The following ROBO1 variants were observed in gnomAD, a reference collection of about 807,000 sequenced individuals.
The protein encoded by ROBO1 is roundabout homolog 1.
In ROBO1, 149 loss-of-function variants were observed where a neutral mutation model predicts 195.9. The observed-to-expected ratio is 0.76, with a 90% CI of 0.67 to 0.87. The LOEUF (loss-of-function observed/expected upper bound fraction) is 0.87, where lower values mean the gene tolerates loss of function less well. Among genes scored for constraint, ROBO1 ranks in the 40% least tolerant of loss-of-function variants. ROBO1 has a pLI of 0.00. For synonymous variants in ROBO1, 816 were observed against 733.2 expected, an observed-to-expected ratio of 1.11 and a Z score of -1.82; for missense variants, 1,933 against 2,068.3, an observed-to-expected ratio of 0.93 and a Z score of 1.27.
At chr3:79,527,746 A>G (rs1168333817) in intron 2 of ROBO1, 1 of 47,792 alleles carries the variant, frequency 2.1e-5, no homozygotes, top group African/African-American at 1.6e-4. Context: ...AAAAAAGAGA[A>G]CCATGTGACA....
At chr3:79,318,760 G>C (rs2033847829) in intron 2 of ROBO1, among the ~76,000 whole-genome samples, 1 of 152,124 alleles carries the variant, frequency 6.6e-6, no homozygotes, top group African/African-American at 2.4e-5. Context: ...ATACACAAAT[G>C]TATATAGTTA....
intron 2 of ROBO1, among the ~76,000 whole-genome samples, chr3:79,283,901 G>T (rs1295910534): frequency 6.6e-6 from 1 of 151,790 alleles, no homozygotes; most frequent in African/African-American, 2.4e-5. Context: ...GTTTCACCGT[G>T]TTAGCCAGGA....
chr3:78,823,246 T>C (rs535368023), intron 4 of ROBO1, among the ~76,000 whole-genome samples: 1 of 152,096 alleles, frequency 6.6e-6, no homozygotes, highest in East Asian at 1.9e-4. Flanking sequence ...CTTCATCACA[T>C]TTTCCCATCG....
In ROBO1 at chr3:78,598,182, T is replaced by TTTAC. The variant is rs1702951333; in HGVS notation, c.*727_*730dup. ...AAAAATAGAACAAGGTTTTACTAGG[T>TTTAC]TTACTTATGACAATGACTAGACAAC... On this transcript the variant is annotated 3_prime_UTR_variant, in exon 31 of 31. Coordinates refer to ENST00000464233, the MANE Select transcript of ROBO1 (RefSeq NM_002941.4). The TTTAC allele has an allele frequency of 6.6e-6, 1 of 152,454 alleles. No individual in the cohort carries two copies. The highest frequency in any genetic ancestry group is 6.6e-5 in the Admixed American group (1 of 15,260). 9.4% of individuals were successfully genotyped at this position (152,454 alleles called of 1,614,324 possible).
intron 3 of ROBO1, among the ~76,000 whole-genome samples, chr3:78,996,784 T>A (rs1251113539): frequency 1.3e-5 from 2 of 152,088 alleles, no homozygotes; most frequent in Admixed American, 6.6e-5. Context: ...TAAAATAAAT[T>A]GCTACAAATA....
At chr3:78,911,254 G>A (rs1318385254) in intron 4 of ROBO1, among the ~76,000 whole-genome samples, 1 of 151,984 alleles carries the variant, frequency 6.6e-6, no homozygotes, top group African/African-American at 2.4e-5. Flanking sequence ...TCCAATCTAT[G>A]GCAAATAATT....
chr3:78,609,934 G>C (rs879872661), intron 28 of ROBO1, among the ~76,000 whole-genome samples: 1 of 152,048 alleles, frequency 6.6e-6, no homozygotes, highest in Admixed American at 6.6e-5. Context: ...ATATGCTAAA[G>C]CTAAGGTGTT....
chr3:78,801,383 T>C (rs13099762), intron 4 of ROBO1, among the ~76,000 whole-genome samples: 2 of 152,176 alleles, frequency 1.3e-5, no homozygotes, highest in African/African-American at 4.8e-5. Context: ...TTAGACATAA[T>C]TTCTAGACAT....
In ROBO1 at chr3:79,190,957, A is replaced by T. The variant is rs181426651; in HGVS notation, c.89-65418T>A. ...AATATATTTCCCAGTTCTCTCTGTG[A>T]TGCATTCATTGAGATATTTTTAGGA... On this transcript the variant is annotated intron_variant, in intron 2 of 30. Transcript: ENST00000464233. 2.0e-3 allele frequency among the ~76,000 whole-genome samples: 298 copies of T among 151,738 alleles called. 1 individual carries two copies. Among genetic ancestry groups the T allele is most frequent in the African/African-American group, 6.9e-3 (285 of 41,504 alleles).
intron 2 of ROBO1, among the ~76,000 whole-genome samples, chr3:79,410,518 A>C (rs1362811189): frequency 1.3e-5 from 2 of 152,122 alleles, no homozygotes; most frequent in Non-Finnish European, 2.9e-5. Flanking sequence ...TTATTATTTC[A>C]GAATGGTGTA....
intron 2 of ROBO1, among the ~76,000 whole-genome samples, chr3:79,483,155 T>G (rs1466052654): frequency 2.0e-5 from 3 of 152,178 alleles, no homozygotes; most frequent in Non-Finnish European, 4.4e-5. Context: ...TATTATAATT[T>G]TTGCACTATC....
At chr3:79,722,509 T>C (rs1702748991) in intron 1 of ROBO1, among the ~76,000 whole-genome samples, 1 of 152,176 alleles carries the variant, frequency 6.6e-6, no homozygotes, top group Admixed American at 6.5e-5. Context: ...GTTGCTTTTA[T>C]CTAGCATTTT....
At chr3:79,292,483 TG>T (rs2032314007) in intron 2 of ROBO1, among the ~76,000 whole-genome samples, 1 of 152,228 alleles carries the variant, frequency 6.6e-6, no homozygotes, top group Non-Finnish European at 1.5e-5. Context: ...TTCCAGCTTT[TG>T]CCCATTCAGT....
At chr3:78,642,471 T>C (rs547189592) in intron 21 of ROBO1, among the ~76,000 whole-genome samples, 2 of 152,270 alleles carry the variant, frequency 1.3e-5, no homozygotes, top group African/African-American at 2.4e-5. Flanking sequence ...GATCTCAGAA[T>C]TGCCAATATT....
intron 2 of ROBO1, among the ~76,000 whole-genome samples, chr3:79,453,407 C>G (rs1045552120): frequency 6.6e-6 from 1 of 151,968 alleles, no homozygotes; most frequent in African/African-American, 2.4e-5. Context: ...GGCTTTTAGA[C>G]CACACAACTA....
intron 3 of ROBO1, among the ~76,000 whole-genome samples, chr3:79,005,184 T>A (rs983966071): frequency 9.9e-5 from 15 of 152,080 alleles, no homozygotes. Context: ...ATGAATCAGC[T>A]CTCCTTGCCC....
intron 2 of ROBO1, among the ~76,000 whole-genome samples, chr3:79,247,943 G>A (rs765579458): frequency 9.4e-4 from 143 of 152,166 alleles, no homozygotes; most frequent in Non-Finnish European, 1.4e-3. Flanking sequence ...TTTCCCTGCC[G>A]GAAATCATTC....
At chr3:79,185,612 A>G (rs2081422791) in intron 2 of ROBO1, among the ~76,000 whole-genome samples, 2 of 152,128 alleles carry the variant, frequency 1.3e-5, no homozygotes, top group Non-Finnish European at 2.9e-5. Flanking sequence ...TCTCCAGGGT[A>G]CTTGTTTAAA....
intron 2 of ROBO1, among the ~76,000 whole-genome samples, chr3:79,585,412 G>A (rs906720309): frequency 1.3e-5 from 2 of 152,040 alleles, no homozygotes; most frequent in African/African-American, 2.4e-5. Flanking sequence ...CAGTGGCTTT[G>A]TGTATTGAGC....
Sources: allele counts gnomAD v4.1 joint callset (sites outside exome capture counted in the v4.1 genomes callset), GRCh38; gene constraint gnomAD v4.1.1; transcripts MANE v1.5; gene names NCBI Gene and HGNC (gene_info 2026-07-23, HGNC 2026-07-21).